Variants in SLC25A32 observed in about 807,000 individuals in gnomAD.
SLC25A32 encodes the protein Glycine auxotroph B, complementation of hamster.
In SLC25A32, 32 loss-of-function variants were observed where a neutral mutation model predicts 39.0. The observed-to-expected ratio is 0.82, with a 90% CI of 0.62 to 1.10. SLC25A32 has a LOEUF of 1.10. SLC25A32 is among the 50% of genes least tolerant of loss of function. The probability of loss-of-function intolerance (pLI) is 0.00; values close to 1 mark genes in which losing one functional copy is unlikely to be tolerated. For missense variants in SLC25A32, 367 were observed against 395.3 expected, an observed-to-expected ratio of 0.93 and a Z score of 0.61; for synonymous variants, 166 against 152.4, an observed-to-expected ratio of 1.09 and a Z score of -0.66.
chr8:103,407,003 T>C (rs1184101288), intron 2 of SLC25A32, among the ~76,000 whole-genome samples: 1 of 152,250 alleles, frequency 6.6e-6, no homozygotes, highest in African/African-American at 2.4e-5. Context: ...GGATTCATTT[T>C]GGACAACAGC....
intron 1 of SLC25A32, among the ~76,000 whole-genome samples, chr8:103,412,620 T>C (rs1186245755): frequency 6.6e-6 from 1 of 152,258 alleles, no homozygotes; most frequent in African/African-American, 2.4e-5. Context: ...GACCTTAGGA[T>C]CAACCCACAA....
In SLC25A32 at chr8:103,400,282, G is replaced by T; in HGVS notation, c.*129C>A. 1 of 1,071,966 alleles carries T rather than the reference G, an allele frequency of 9.3e-7. No individual in the cohort carries two copies. The highest frequency in any genetic ancestry group is 1.4e-6 in the Non-Finnish European group (1 of 733,608). The allele number at this position is 1,071,966 out of a possible 1,614,324, so 66.4% of individuals were successfully genotyped here. A position where few individuals can be genotyped will look rare whatever the true frequency, so the allele number is the denominator to read the frequency against. On this transcript the variant is annotated 3_prime_UTR_variant, in exon 7 of 7. Transcript: ENST00000297578. ...TTGCAGGAGACTTAGCAGTTCTCTG[G>T]CTTCTAATGACTATAGAGCAATTTC...
chr8:103,401,126 T>C lies in SLC25A32; in HGVS notation c.812+390A>G, dbSNP rs184445375. On this transcript the variant is annotated intron_variant, in intron 6 of 6. Transcript: ENST00000297578. ...CTGAAGAACAAACATCTCTTTCATA[T>C]ATGGAAACAAGTATTTGCAAAAGTT... Among the ~76,000 whole-genome samples the C allele has an allele frequency of 5.9e-5, 9 of 152,368 alleles. No homozygotes were observed. The East Asian group carries it at 1.3e-3, about 23-fold the overall frequency.
intron 1 of SLC25A32, among the ~76,000 whole-genome samples, chr8:103,412,989 C>G (rs1816497318): frequency 1.3e-5 from 2 of 152,162 alleles, no homozygotes; most frequent in Non-Finnish European, 1.5e-5. Flanking sequence ...CTCCTATCAC[C>G]ATTTCACAGC....
chr8:103,414,014 T>C (rs941576137), intron 1 of SLC25A32, among the ~76,000 whole-genome samples: 7 of 152,234 alleles, frequency 4.6e-5, no homozygotes, highest in Non-Finnish European at 1.0e-4. Flanking sequence ...CATACAGCAG[T>C]CTACAAATAT....
intron 1 of SLC25A32, among the ~76,000 whole-genome samples, chr8:103,409,483 C>T (rs1816415037): frequency 6.6e-6 from 1 of 152,000 alleles, no homozygotes; most frequent in Non-Finnish European, 1.5e-5. Context: ...AACAACATTC[C>T]GTACAACAAT....
rs1816231133 is a variant in SLC25A32, at chr8:103,402,107, A to G, written c.553-53T>C. ...AAACAACATACGTTTGAAGAACAAT[A>G]TATTTAAGTAAAATACTTTCTCTTC... is the stretch of plus-strand genomic sequence containing the variant. On this transcript the variant is annotated intron_variant, in intron 4 of 6. Transcript: ENST00000297578. The G allele has an allele frequency of 5.9e-6, 7 of 1,193,358 alleles. No individual in the cohort carries two copies. The South Asian group carries it at 8.8e-5, about 15-fold the overall frequency. 73.9% of individuals were successfully genotyped at this position (1,193,358 alleles called of 1,614,324 possible). A position where few individuals can be genotyped will look rare whatever the true frequency, so the allele number is the denominator to read the frequency against.
At position 103,414,965 on chromosome 8, in the gene SLC25A32, G is replaced by T; in HGVS notation, c.-28C>A. The T allele has an allele frequency of 6.3e-7, 1 of 1,582,970 alleles. No individual in the cohort carries two copies. The highest frequency in any genetic ancestry group is 1.8e-5 in the Admixed American group (1 of 55,138). Reference sequence around the variant, plus strand: ...GCTCGGGGCCCGTCGACACCACGGCGCCCAGGGCCGCGGAGGTGGGACGCG... The same window carrying T: ...GCTCGGGGCCCGTCGACACCACGGCTCCCAGGGCCGCGGAGGTGGGACGCG... On this transcript the variant is annotated 5_prime_UTR_variant, in exon 1 of 7. Transcript: ENST00000297578.
At position 103,401,577 on chromosome 8, in the gene SLC25A32, G is replaced by A. The variant is rs1428000511; in HGVS notation, c.751C>T (p.Arg251Cys). Residue 251 changes from arginine (R) to cysteine (C), a missense_variant, in exon 6 of 7, where the codon CGT becomes TGT. Arg to Cys is a radical substitution (Grantham distance 180). Coordinates refer to ENST00000297578, the MANE Select transcript of SLC25A32 (RefSeq NM_030780.5). ...ATYPYQVVRARLQDQHMFYSG... is the reference protein window; with the variant it reads ...ATYPYQVVRACLQDQHMFYSG... ...TAAAACATGTGTTGATCCTGAAGACGAGCTCTTACGACTTGATATGGGTAT... is the reference window on the plus strand; with the variant it reads ...TAAAACATGTGTTGATCCTGAAGACAAGCTCTTACGACTTGATATGGGTAT... 2 of 1,613,660 alleles carry A rather than the reference G, an allele frequency of 1.2e-6. No individual in the cohort carries two copies. The highest frequency in any genetic ancestry group is 1.7e-6 in the Non-Finnish European group (2 of 1,179,858).
chr8:103,404,902 TCATTAA>T (rs1362259479), intron 2 of SLC25A32, 41 bp from the exon 3 acceptor site: 8 of 1,388,628 alleles, frequency 5.8e-6, no homozygotes, highest in Non-Finnish European at 8.2e-6. Context: ...TGAATAGGTG[TCATTAA>T]GTCTGTTTTA....
At chr8:103,412,347 T>G (rs960342398) in intron 1 of SLC25A32, among the ~76,000 whole-genome samples, 1 of 152,242 alleles carries the variant, frequency 6.6e-6, no homozygotes, top group Admixed American at 6.5e-5. Context: ...TTTTGGGTAT[T>G]TGAGAAAATT....
intron 1 of SLC25A32, among the ~76,000 whole-genome samples, chr8:103,411,609 A>C (rs1816466350): frequency 6.6e-6 from 1 of 152,072 alleles, no homozygotes; most frequent in Admixed American, 6.5e-5. Flanking sequence ...CATTTTCTTG[A>C]ATGTCCTCTT....
chr8:103,402,088 CA>C, intron 4 of SLC25A32, 34 bp from the exon 5 acceptor site: 1 of 1,434,416 alleles, frequency 7.0e-7, no homozygotes, highest in South Asian at 1.2e-5. Flanking sequence ...AGCAAAACAA[CA>C]TACGTTTGAA....
chr8:103,401,692 T>C, intron 5 of SLC25A32, 31 bp from the exon 6 acceptor site: 1 of 1,530,770 alleles, frequency 6.5e-7, no homozygotes, highest in Non-Finnish European at 8.8e-7. Context: ...AGTTTTTTCT[T>C]TAGACAGGAT....
At chr8:103,405,927 C>T (rs1236870930) in intron 2 of SLC25A32, among the ~76,000 whole-genome samples, 2 of 152,012 alleles carry the variant, frequency 1.3e-5, no homozygotes, top group Non-Finnish European at 2.9e-5. Flanking sequence ...CCTTGGCCTC[C>T]TAAAGTGCTG....
At chr8:103,408,145 T>C (rs911800781) in intron 1 of SLC25A32, among the ~76,000 whole-genome samples, 10 of 150,390 alleles carry the variant, frequency 6.6e-5, no homozygotes, top group African/African-American at 1.9e-4. Context: ...GCCCAGCTAA[T>C]TTTTGTATTT....
chr8:103,400,668 T>G, intron 6 of SLC25A32, 122 bp from the exon 7 acceptor site: 2 of 957,964 alleles, frequency 2.1e-6, no homozygotes. Context: ...TTTAAGTTCA[T>G]GTTTTCAATG....
In SLC25A32 at chr8:103,415,078, C is replaced by G. The variant is rs753905788; in HGVS notation, c.-141G>C. ...AACGAGAGGACTCTTATGCCCAAGGCGCGTGAGCGAAGCCGGAGACTCTAG... is the reference window on the plus strand; with the variant it reads ...AACGAGAGGACTCTTATGCCCAAGGGGCGTGAGCGAAGCCGGAGACTCTAG... On this transcript the variant is annotated 5_prime_UTR_variant, in exon 1 of 7. Coordinates refer to ENST00000297578, the MANE Select transcript of SLC25A32 (RefSeq NM_030780.5). 1 of 1,609,110 alleles carries G rather than the reference C, an allele frequency of 6.2e-7. No individual in the cohort carries two copies.
chr8:103,401,978 T>C lies in SLC25A32; in HGVS notation c.629A>G (p.Tyr210Cys). ...TGGTAATCTATTGATATGCTGGTTG[T>C]ACTTCAACTTCAGCAATTCATATGC... ...FMAYELLKLK[Y>C]NQHINRLPEA... is the part of the protein sequence containing the mutation. Residue 210 changes from tyrosine (Y) to cysteine (C), a missense_variant, in exon 5 of 7, where the codon TAC becomes TGC. Coordinates refer to ENST00000297578, the MANE Select transcript of SLC25A32 (RefSeq NM_030780.5). 1.9e-6 allele frequency: 3 copies of C among 1,613,500 alleles called. No individual in the cohort carries two copies. Among genetic ancestry groups the C allele is most frequent in the Non-Finnish European group, 2.5e-6 (3 of 1,179,630 alleles).
Sources: gnomAD v4.1 joint callset for allele counts (sites outside exome capture counted in the v4.1 genomes callset) on GRCh38, gnomAD v4.1.1 for gene constraint, MANE v1.5 for transcripts, NCBI Gene and HGNC (gene_info 2026-07-23, HGNC 2026-07-21) for gene names.